The following FN1 variants were observed in gnomAD, a reference collection of about 807,000 sequenced individuals.
FN1 encodes fibronectin 1, also known as fibronectin.
In FN1, 106 loss-of-function variants were observed where a neutral mutation model predicts 297.3. The observed-to-expected ratio is 0.36, with a 90% CI of 0.30 to 0.42. FN1 has a LOEUF of 0.42. Ranked by LOEUF, FN1 falls within the 10% of genes least tolerant of loss-of-function variation. The probability of loss-of-function intolerance (pLI) is 1.00; values close to 1 mark genes in which losing one functional copy is unlikely to be tolerated. For missense variants in FN1, 2,690 were observed against 3,124.9 expected (o/e 0.86, Z 3.32); for synonymous variants, 1,149 against 1,152.6 (o/e 1.00, Z 0.06).
intron 26 of FN1, among the ~76,000 whole-genome samples, chr2:215,389,709 G>A (rs997737674): frequency 2.0e-5 from 3 of 152,290 alleles, no homozygotes; most frequent in African/African-American, 4.8e-5. Context: ...AGAATCACTT[G>A]AGCCTTGGTG....
chr2:215,412,762 T>TTTTTTTTA (rs2062857404), intron 13 of FN1, among the ~76,000 whole-genome samples: 1 of 78,226 alleles, frequency 1.3e-5, no homozygotes, highest in Admixed American at 2.0e-4. Context: ...TTAAGTATCT[T>TTTTTTTTA]TTTTTTTTTT....
chr2:215,371,673 CTTTTT>C (rs11358448), intron 40 of FN1, among the ~76,000 whole-genome samples: 5 of 109,006 alleles, frequency 4.6e-5, no homozygotes, highest in African/African-American at 7.4e-5. Context: ...AGTGGAGCCA[CTTTTT>C]TTTTTTTTTT....
rs376886452 is a variant in FN1, at chr2:215,406,474, T to G, written c.2750A>C (p.Glu917Ala). ...VPSPRDLQFV[E>A]VTDVKVTIMW... ...GATGGTGACCTTCACGTCTGTCACTTCCACAAACTGCAGGTCCCTGGGAGA... is the reference window on the plus strand; with the variant it reads ...GATGGTGACCTTCACGTCTGTCACTGCCACAAACTGCAGGTCCCTGGGAGA... Residue 917 changes from glutamate (E) to alanine (A), a missense_variant, in exon 19 of 46, where the codon GAA becomes GCA. Around this residue, in one of 3 missense-constraint regions of FN1, gnomAD observed 71 missense variants for 121.7 expected, o/e 0.58. Transcript: ENST00000354785. 5.2e-5 allele frequency: 84 copies of G among 1,613,986 alleles called. No individual in the cohort carries two copies. The highest frequency in any genetic ancestry group is 6.6e-5 in the Non-Finnish European group (78 of 1,180,026).
At chr2:215,405,414 A>C (rs1314433499) in intron 19 of FN1, among the ~76,000 whole-genome samples, 1 of 152,190 alleles carries the variant, frequency 6.6e-6, no homozygotes, top group Non-Finnish European at 1.5e-5. Context: ...ACTTTTTTAA[A>C]GCCTCAGTTT....
chr2:215,391,953 A>G, intron 25 of FN1, 139 bp from the exon 26 acceptor site: 1 of 748,326 alleles, frequency 1.3e-6, no homozygotes, highest in Non-Finnish European at 2.3e-6. Flanking sequence ...ATCTAAGTCT[A>G]TTTTAAGTTA....
chr2:215,417,285 A>T (rs1308074124), intron 12 of FN1, among the ~76,000 whole-genome samples: 1 of 152,178 alleles, frequency 6.6e-6, no homozygotes, highest in Non-Finnish European at 1.5e-5. Flanking sequence ...AACTAACAAT[A>T]AAATAGTTGA....
Position 215,404,477 on chromosome 2 carries a change from A to T in FN1, c.3165T>A (p.Asn1055Lys). 6.2e-7 allele frequency: 1 copy of T among 1,614,072 alleles called. No homozygotes were observed. The highest frequency in any genetic ancestry group is 8.5e-7 in the Non-Finnish European group (1 of 1,180,004). ...GPSVSKYPLR[N>K]LQPASEYTVS... ...CGGTGTACTCAGATGCAGGCTGCAG[A>T]TTCCTCAGTGGGTACTTGGAGACAG... The change falls in exon 20 of 46, where the codon AAT (asparagine) becomes AAA (lysine). Residue 1055 changes from asparagine to lysine, a missense_variant. Physicochemically the swap from Asn to Lys is moderately conservative, Grantham distance 94. This residue lies in a region of FN1 where 1,743 missense variants were observed against 1,945.2 expected (regional missense o/e 0.90). Coordinates refer to ENST00000354785, the MANE Select transcript of FN1 (RefSeq NM_212482.4).
chr2:215,425,176 C>G lies in FN1; in HGVS notation c.954G>C (p.Val318=). The change falls in exon 7 of 46, where the codon GTG becomes GTC. Residue 318 remains valine, a synonymous_variant. Coordinates refer to ENST00000354785, the MANE Select transcript of FN1 (RefSeq NM_212482.4). ...CTTGTGTCTTCAGCCACTGCATCCC[C>G]ACAGAGTAGACCACACCACTGTCTG... The part of the protein sequence containing the change: ...CVTDSGVVYS[V]GMQWLKTQGN... The G allele has an allele frequency of 6.2e-7, 1 of 1,614,220 alleles. No homozygotes were observed. The highest frequency in any genetic ancestry group is 8.5e-7 in the Non-Finnish European group (1 of 1,180,036).
In FN1 at chr2:215,382,244, T is replaced by A. The variant is rs747740688; in HGVS notation, c.5132A>T (p.Glu1711Val). The A allele has an allele frequency of 2.5e-6, 4 of 1,613,728 alleles. No individual in the cohort carries two copies. In the South Asian group the frequency reaches 4.4e-5, roughly 18 times the overall value. The change falls in exon 32 of 46, where the codon GAG (glutamate) becomes GTG (valine). Residue 1711 changes from glutamate to valine, a missense_variant. Physicochemically the swap from Glu to Val is moderately radical, Grantham distance 121. Coordinates refer to ENST00000354785, the MANE Select transcript of FN1 (RefSeq NM_212482.4). ...TGCAGTCTGAACCAGAGGCTGACTCTCTCCGCTTGGATTCTGAGCATAGAC... is the reference window on the plus strand; with the variant it reads ...TGCAGTCTGAACCAGAGGCTGACTCACTCCGCTTGGATTCTGAGCATAGAC... ...VSVYAQNPSG[E>V]SQPLVQTAVT...
At chr2:215,432,324 C>T (rs1286867334) in intron 3 of FN1, among the ~76,000 whole-genome samples, 1 of 152,178 alleles carries the variant, frequency 6.6e-6, no homozygotes, top group East Asian at 1.9e-4. Context: ...AGTGAAAAGG[C>T]CACATCAGGC....
At position 215,424,132 on chromosome 2, in the gene FN1, C is replaced by T. The variant is rs1227820334; in HGVS notation, c.1216+14G>A. 1 of 1,613,748 alleles carries T rather than the reference C, an allele frequency of 6.2e-7. No individual in the cohort carries two copies. The highest frequency in any genetic ancestry group is 8.5e-7 in the Non-Finnish European group (1 of 1,179,680). ...GTTTTTCTCACTTCTGTGGCTCCCCCTTGGGACACTCACCAGTGTGGTCTG... is the reference window on the plus strand; with the variant it reads ...GTTTTTCTCACTTCTGTGGCTCCCCTTTGGGACACTCACCAGTGTGGTCTG... On this transcript the variant is annotated intron_variant, in intron 8 of 45. Transcript: ENST00000354785.
At position 215,370,549 on chromosome 2, in the gene FN1, AAAAAC is replaced by A. The variant is rs1383116264; in HGVS notation, c.6715-122_6715-118del. The A allele has an allele frequency of 8.7e-3, 4,193 of 479,776 alleles. 211 individuals are homozygous for A. The highest frequency in any genetic ancestry group is 0.035 in the South Asian group (981 of 28,392). 29.7% of individuals were successfully genotyped at this position (479,776 alleles called of 1,614,324 possible). A position where few individuals can be genotyped will look rare whatever the true frequency, so the allele number is the denominator to read the frequency against. On this transcript the variant is annotated intron_variant, in intron 40 of 45. Coordinates refer to ENST00000354785, the MANE Select transcript of FN1 (RefSeq NM_212482.4). ...ACAAAGCAAAGGAAGACAAAAAACA[AAAAAC>A]AAAAAAAAAAAAAAGAGGGAGGGTA...
intron 6 of FN1, among the ~76,000 whole-genome samples, chr2:215,425,847 C>T (rs1259048421): frequency 1.3e-5 from 2 of 152,176 alleles, no homozygotes; most frequent in East Asian, 1.9e-4. Flanking sequence ...GCTGGGATTA[C>T]AGGCATGAGC....
rs761717985 is a variant in FN1, at chr2:215,367,963, A to G, written c.6918T>C (p.Tyr2306=). ...SCFDPYTVSH[Y]AVGDEWERMS... Reference sequence around the variant, plus strand: ...TTCGTTCCCACTCATCTCCAACGGCATAATGGGAAACTGTGTAGGGGTCAA... The same window carrying G: ...TTCGTTCCCACTCATCTCCAACGGCGTAATGGGAAACTGTGTAGGGGTCAA... Residue 2306 remains tyrosine (Y), a synonymous_variant, in exon 42 of 46, where the codon TAT becomes TAC. Coordinates refer to ENST00000354785, the MANE Select transcript of FN1 (RefSeq NM_212482.4). 2 of 1,614,212 alleles carry G rather than the reference A, an allele frequency of 1.2e-6. No individual in the cohort carries two copies. The highest frequency in any genetic ancestry group is 1.7e-5 in the Admixed American group (1 of 60,026).
In FN1 at chr2:215,378,226, T is replaced by C. The variant is rs145946514; in HGVS notation, c.5659A>G (p.Lys1887Glu). 15 of 1,612,558 alleles carry C rather than the reference T, an allele frequency of 9.3e-6. No homozygotes were observed. The highest frequency in any genetic ancestry group is 1.3e-5 in the Non-Finnish European group (15 of 1,178,846). Residue 1887 changes from lysine to glutamate, a missense_variant, in exon 35 of 46, where the codon AAG becomes GAG. Lys to Glu is a moderately conservative substitution (Grantham distance 56, BLOSUM62 1). This residue lies in a region of FN1 where 1,743 missense variants were observed against 1,945.2 expected (regional missense o/e 0.90). Coordinates refer to ENST00000354785, the MANE Select transcript of FN1 (RefSeq NM_212482.4). ...GCTGGTCTGCTTGTCAAAGTGTCCT[T>C]AAGAGCATAGACACTCACTTCATAT... ...TKYEVSVYAL[K>E]DTLTSRPAQG...
intron 26 of FN1, among the ~76,000 whole-genome samples, chr2:215,391,397 T>C (rs908564800): frequency 1.3e-5 from 2 of 152,240 alleles, no homozygotes; most frequent in Non-Finnish European, 2.9e-5. Context: ...CATGGAACTT[T>C]CCTGCAGGTG....
rs2067420812 is a variant in FN1, at chr2:215,436,033, C to T, written c.-231G>A. The T allele has an allele frequency of 3.4e-6, 3 of 875,386 alleles. No individual in the cohort carries two copies. The highest frequency in any genetic ancestry group is 3.9e-5 in the South Asian group (2 of 51,566). 54.2% of individuals were successfully genotyped at this position (875,386 alleles called of 1,614,324 possible). On this transcript the variant is annotated 5_prime_UTR_variant, in exon 1 of 46. Coordinates refer to ENST00000354785, the MANE Select transcript of FN1 (RefSeq NM_212482.4). ...CTCTTCCCGCTCGCGCCTGGGGTTC[C>T]CTCTCCTCCCCCTGTGCAGCACAGC...
rs2059060896 is a variant in FN1, at chr2:215,386,682, A to G, written c.4612+7T>C. 2 of 1,612,634 alleles carry G rather than the reference A, an allele frequency of 1.2e-6. No homozygotes were observed. The highest frequency in any genetic ancestry group is 1.7e-6 in the Non-Finnish European group (2 of 1,179,520). ...TTCTGAGTTTCTTTGCAGACAAGAA[A>G]AGTTACCTGTTGATTGTTGGCCAAT... On this transcript the variant is annotated splice_region_variant and intron_variant, in intron 28 of 45. Coordinates refer to ENST00000354785, the MANE Select transcript of FN1 (RefSeq NM_212482.4).
At position 215,365,594 on chromosome 2, in the gene FN1, C is replaced by G. The variant is rs748845570; in HGVS notation, c.7055G>C (p.Gly2352Ala). 6.2e-7 allele frequency: 1 copy of G among 1,614,084 alleles called. No individual in the cohort carries two copies. The highest frequency in any genetic ancestry group is 8.5e-7 in the Non-Finnish European group (1 of 1,179,976). ...CHDNGVNYKI[G>A]EKWDRQGENG... ...TTCTCCCTGACGGTCCCACTTCTCT[C>G]CAATCTTGTAGTTCACACCATTGTC... The change falls in exon 43 of 46, where the codon GGA (glycine) becomes GCA (alanine). Residue 2352 changes from glycine (G) to alanine (A), a missense_variant. This residue lies in a region of FN1 where 1,743 missense variants were observed against 1,945.2 expected (regional missense o/e 0.90). Coordinates refer to ENST00000354785, the MANE Select transcript of FN1 (RefSeq NM_212482.4).
Sources: gnomAD v4.1 joint callset for allele counts (sites outside exome capture counted in the v4.1 genomes callset) on GRCh38, gnomAD v4.1.1 for gene constraint, gnomAD v4.1.1 regional missense constraint, MANE v1.5 for transcripts, NCBI Gene and HGNC (gene_info 2026-07-23, HGNC 2026-07-21) for gene names.